Variants in CDYL observed in about 807,000 individuals in gnomAD.
CDYL encodes chromodomain Y-like protein.
A neutral mutation model predicts 47.3 loss-of-function variants in CDYL; 8 were observed. That is an observed-to-expected ratio of 0.17 (90% CI 0.10 to 0.31). The LOEUF (loss-of-function observed/expected upper bound fraction) is 0.31. Among genes scored for constraint, CDYL ranks in the 10% least tolerant of loss-of-function variants. The pLI is 1.00. For missense variants in CDYL, 471 were observed against 701.4 expected (o/e 0.67, Z 3.71); for synonymous variants, 266 against 265.0 (o/e 1.00, Z -0.04).
chr6:4,894,016 T>C (rs1762126599), intron 2 of CDYL, among the ~76,000 whole-genome samples: 1 of 152,220 alleles, frequency 6.6e-6, no homozygotes, highest in Admixed American at 6.5e-5. Flanking sequence ...TCCGGCTTCA[T>C]TGGAGCTTGT....
chr6:4,741,007 G>A (rs1417040725), intron 3 of CDYL, among the ~76,000 whole-genome samples: 2 of 151,964 alleles, frequency 1.3e-5, no homozygotes, highest in Admixed American at 6.6e-5. Flanking sequence ...GGCTGGTCTC[G>A]AACTCCTGAC....
At chr6:4,892,793 G>A (rs7774082) in intron 2 of CDYL, among the ~76,000 whole-genome samples, 175 of 152,292 alleles carry the variant, frequency 1.1e-3, no homozygotes, top group Non-Finnish European at 2.1e-3. Context: ...TTGCTCATCT[G>A]TGTGAATACC....
At chr6:4,815,904 G>A (rs747430662) in intron 1 of CDYL, among the ~76,000 whole-genome samples, 1 of 149,182 alleles carries the variant, frequency 6.7e-6, no homozygotes, top group Non-Finnish European at 1.5e-5. Flanking sequence ...GTGTGTCTTG[G>A]TTAAAAAGTC....
At chr6:4,766,278 T>C (rs1758250414) in intron 3 of CDYL, among the ~76,000 whole-genome samples, 1 of 152,098 alleles carries the variant, frequency 6.6e-6, no homozygotes, top group South Asian at 2.1e-4. Context: ...GGCATGATCT[T>C]GGCTCACTGC....
At chr6:4,895,905 A>G (rs554978922) in intron 2 of CDYL, among the ~76,000 whole-genome samples, 1 of 152,358 alleles carries the variant, frequency 6.6e-6, no homozygotes, top group Non-Finnish European at 1.5e-5. Context: ...TTAAACCAAA[A>G]GGGATGTGTA....
intron 3 of CDYL, among the ~76,000 whole-genome samples, chr6:4,764,153 C>T (rs181769233): frequency 7.8e-4 from 119 of 152,180 alleles, no homozygotes; most frequent in African/African-American, 2.7e-3. Context: ...GATTATCAAA[C>T]TGGATTAAAA....
intron 2 of CDYL, among the ~76,000 whole-genome samples, chr6:4,928,262 ATG>A (rs916912662): frequency 6.6e-6 from 1 of 151,254 alleles, no homozygotes; most frequent in South Asian, 2.1e-4. Flanking sequence ...TTGTGTGTGT[ATG>A]TGTGTGTGTG....
At chr6:4,890,408 G>A (rs552796818) in intron 1 of CDYL, among the ~76,000 whole-genome samples, 1 of 152,238 alleles carries the variant, frequency 6.6e-6, no homozygotes, top group East Asian at 1.9e-4. Context: ...CTGACTCTGT[G>A]GAGATCTGTC....
intron 2 of CDYL, among the ~76,000 whole-genome samples, chr6:4,894,503 A>C (rs527900263): frequency 6.6e-6 from 1 of 152,344 alleles, no homozygotes; most frequent in East Asian, 1.9e-4. Flanking sequence ...AAAATATAAG[A>C]AATTAAGATT....
chr6:4,729,689 G>A (rs998087534), intron 2 of CDYL, among the ~76,000 whole-genome samples: 1 of 152,210 alleles, frequency 6.6e-6, no homozygotes, highest in Non-Finnish European at 1.5e-5. Flanking sequence ...AGGCCAAGGC[G>A]GGTGGATCAC....
chr6:4,931,252 A>G (rs1758025730), intron 2 of CDYL, among the ~76,000 whole-genome samples: 1 of 152,236 alleles, frequency 6.6e-6, no homozygotes, highest in Non-Finnish European at 1.5e-5. Context: ...GGTGGAGTAC[A>G]TCGATGATAC....
intron 3 of CDYL, among the ~76,000 whole-genome samples, chr6:4,740,671 A>T (rs554488593): frequency 8.9e-4 from 136 of 152,296 alleles, no homozygotes; most frequent in African/African-American, 3.2e-3. Flanking sequence ...GACACTGACT[A>T]GACCGGAGAG....
upstream of CDYL, chr6:4,773,015 C>T (rs1379948301): frequency 5.0e-6 from 2 of 400,836 alleles, no homozygotes; most frequent in Non-Finnish European, 9.9e-6. The surrounding 1 kb of genome is among the most constrained non-coding windows in gnomAD (Gnocchi z 4.6). Flanking sequence ...AGGAGGATCT[C>T]AGATTTCAGG....
intron 4 of CDYL, among the ~76,000 whole-genome samples, chr6:4,938,019 G>A (rs555298333): frequency 6.6e-6 from 1 of 152,184 alleles, no homozygotes; most frequent in Non-Finnish European, 1.5e-5. Context: ...GCAAGTGTTC[G>A]GAGAATGTTC....
intron 1 of CDYL, among the ~76,000 whole-genome samples, chr6:4,788,485 A>AG: frequency 6.7e-6 from 1 of 148,610 alleles, no homozygotes; most frequent in East Asian, 2.0e-4. Context: ...TCTGTCAAAA[A>AG]AAAAAAAAAA....
chr6:4,727,942 G>A (rs1757544328), intron 2 of CDYL, among the ~76,000 whole-genome samples: 1 of 152,226 alleles, frequency 6.6e-6, no homozygotes, highest in South Asian at 2.1e-4. Flanking sequence ...TCCACATTTA[G>A]AGCCTGTGAC....
chr6:4,756,230 T>A (rs984966183), intron 3 of CDYL, among the ~76,000 whole-genome samples: 3 of 152,182 alleles, frequency 2.0e-5, no homozygotes, highest in African/African-American at 7.2e-5. Context: ...CTTCAGCTGA[T>A]ACAATGTCTT....
chr6:4,734,800 G>T (rs750626007), exon 3 of CDYL: 1 of 1,614,152 alleles, frequency 6.2e-7, no homozygotes, highest in Non-Finnish European at 8.5e-7. Context: ...CAGCATCTCC[G>T]TGAGCAGTGA....
intron 2 of CDYL, among the ~76,000 whole-genome samples, chr6:4,905,206 G>T (rs889134109): frequency 6.6e-6 from 1 of 152,094 alleles, no homozygotes; most frequent in African/African-American, 2.4e-5. Context: ...GTGAGTTTGC[G>T]CATGGCTTGC....
Sources: allele counts gnomAD v4.1 joint callset (sites outside exome capture counted in the v4.1 genomes callset), GRCh38; gene constraint gnomAD v4.1.1; non-coding constraint Gnocchi (gnomAD v3.1); transcripts MANE v1.5; gene names NCBI Gene and HGNC (gene_info 2026-07-23, HGNC 2026-07-21).